The following KIF16B variants were observed in gnomAD, a reference collection of about 807,000 sequenced individuals.
KIF16B encodes kinesin-like protein KIF16B.
In KIF16B, 98 loss-of-function variants were observed where a neutral mutation model predicts 156.3. The ratio of observed to expected loss-of-function variants is 0.63; its 90% CI spans 0.53 to 0.74. KIF16B has a LOEUF of 0.74. Ranked by LOEUF, KIF16B falls within the 30% of genes least tolerant of loss-of-function variation. The probability of loss-of-function intolerance (pLI) is 0.00; values close to 1 mark genes in which losing one functional copy is unlikely to be tolerated. For synonymous variants in KIF16B, 564 were observed against 583.7 expected, an observed-to-expected ratio of 0.97 and a Z score of 0.49; for missense variants, 1,421 against 1,606.5, an observed-to-expected ratio of 0.88 and a Z score of 1.97.
At chr20:16,410,328 T>C (rs1177844141) in intron 15 of KIF16B, among the ~76,000 whole-genome samples, 1 of 149,952 alleles carries the variant, frequency 6.7e-6, no homozygotes, top group Non-Finnish European at 1.5e-5. Context: ...TGTATATGTG[T>C]GTGTGTATGT....
intron 23 of KIF16B, among the ~76,000 whole-genome samples, chr20:16,349,920 A>G (rs1361182032): frequency 2.6e-5 from 4 of 152,244 alleles, no homozygotes; most frequent in African/African-American, 7.2e-5. Flanking sequence ...CACAATGGAA[A>G]GGAGAATGGC....
intron 12 of KIF16B, among the ~76,000 whole-genome samples, chr20:16,432,760 T>C (rs1052554108): frequency 1.3e-5 from 2 of 151,886 alleles, no homozygotes; most frequent in Non-Finnish European, 2.9e-5. Context: ...AAAGGATGGC[T>C]TAAAAAAATA....
At chr20:16,466,046 G>T (rs780538698) in intron 12 of KIF16B, among the ~76,000 whole-genome samples, 1 of 152,184 alleles carries the variant, frequency 6.6e-6, no homozygotes, top group African/African-American at 2.4e-5. Flanking sequence ...AGGAAAATAA[G>T]TTCACAATGA....
intron 25 of KIF16B, among the ~76,000 whole-genome samples, chr20:16,282,740 T>C (rs2063165304): frequency 6.6e-6 from 1 of 152,058 alleles, no homozygotes; most frequent in Admixed American, 6.5e-5. Context: ...ACAGGACTGC[T>C]CCTGGACCTG....
At chr20:16,555,112 G>A (rs1158163906) in intron 1 of KIF16B, among the ~76,000 whole-genome samples, 1 of 152,188 alleles carries the variant, frequency 6.6e-6, no homozygotes, top group Admixed American at 6.5e-5. Flanking sequence ...TTTCCAGCTG[G>A]CAAAATGACA....
chr20:16,480,109 T>C (rs1036770242), intron 12 of KIF16B, among the ~76,000 whole-genome samples: 7 of 152,172 alleles, frequency 4.6e-5, no homozygotes, highest in African/African-American at 1.7e-4. Context: ...TGCCAAGCAG[T>C]ACTCATGATT....
At chr20:16,573,106 C>A (rs1367746703) in intron 1 of KIF16B, 123 bp downstream of exon 1, 3 of 923,104 alleles carry the variant, frequency 3.2e-6, no homozygotes, top group Non-Finnish European at 5.0e-6. Flanking sequence ...ACAGCCTGGG[C>A]CCGGTGGGCC....
intron 12 of KIF16B, among the ~76,000 whole-genome samples, chr20:16,444,300 G>A (rs1185486982): frequency 6.6e-6 from 1 of 152,164 alleles, no homozygotes; most frequent in African/African-American, 2.4e-5. Context: ...TATGGCTGAA[G>A]GCCAAATAAG....
intron 10 of KIF16B, among the ~76,000 whole-genome samples, chr20:16,498,394 A>AT (rs1260004142): frequency 6.6e-6 from 1 of 152,110 alleles, no homozygotes; most frequent in Non-Finnish European, 1.5e-5. Context: ...GAAAAAAGAA[A>AT]GAGAATATCC....
At chr20:16,303,211 G>A (rs927935848) in intron 25 of KIF16B, among the ~76,000 whole-genome samples, 3 of 152,120 alleles carry the variant, frequency 2.0e-5, no homozygotes, top group Non-Finnish European at 4.4e-5. Context: ...CATTTTATGC[G>A]TAATAAAACT....
intron 3 of KIF16B, among the ~76,000 whole-genome samples, chr20:16,515,949 T>A (rs1211823397): frequency 6.6e-6 from 1 of 152,200 alleles, no homozygotes; most frequent in Non-Finnish European, 1.5e-5. Flanking sequence ...GTGAAAATCA[T>A]GTTTAGAAGC....
intron 25 of KIF16B, among the ~76,000 whole-genome samples, chr20:16,295,214 C>A (rs528376480): frequency 6.6e-6 from 1 of 152,122 alleles, no homozygotes; most frequent in East Asian, 1.9e-4. Context: ...GTGCATATCC[C>A]CCGGGCCAGA....
At chr20:16,286,728 G>A (rs1238353593) in intron 25 of KIF16B, among the ~76,000 whole-genome samples, 1 of 152,132 alleles carries the variant, frequency 6.6e-6, no homozygotes, top group Non-Finnish European at 1.5e-5. Flanking sequence ...TCAAGCAGAG[G>A]TGAAGATGGT....
intron 25 of KIF16B, among the ~76,000 whole-genome samples, chr20:16,310,239 A>G (rs1347754814): frequency 6.6e-6 from 1 of 152,250 alleles, no homozygotes; most frequent in Non-Finnish European, 1.5e-5. Flanking sequence ...CAAGGGAAGG[A>G]AGGGTTCCTT....
chr20:16,549,519 A>G (rs1306641616), intron 1 of KIF16B, among the ~76,000 whole-genome samples: 2 of 152,080 alleles, frequency 1.3e-5, no homozygotes, highest in African/African-American at 4.8e-5. Context: ...ATGTGTCTTT[A>G]TAGCAGCATG....
chr20:16,406,305 G>T, intron 16 of KIF16B, 69 bp downstream of exon 16: 1 of 1,335,186 alleles, frequency 7.5e-7, no homozygotes, highest in Non-Finnish European at 1.1e-6. Context: ...ATTGGAACCA[G>T]AGTGACCACC....
At chr20:16,360,920 G>C (rs1025915272) in intron 22 of KIF16B, among the ~76,000 whole-genome samples, 1 of 152,164 alleles carries the variant, frequency 6.6e-6, no homozygotes, top group Non-Finnish European at 1.5e-5. Context: ...GGCTCTCAGA[G>C]AACATGAAAC....
At chr20:16,391,375 T>C (rs2065360729) in intron 17 of KIF16B, among the ~76,000 whole-genome samples, 1 of 152,210 alleles carries the variant, frequency 6.6e-6, no homozygotes, top group African/African-American at 2.4e-5. Context: ...TCGCCCATAA[T>C]TCACCTGGTC....
At chr20:16,297,642 G>A (rs2063409353) in intron 25 of KIF16B, among the ~76,000 whole-genome samples, 3 of 148,770 alleles carry the variant, frequency 2.0e-5, no homozygotes, top group Non-Finnish European at 4.4e-5. Flanking sequence ...CTTGCAGTGA[G>A]CCTAGATCGC....
Sources: gnomAD v4.1 joint callset for allele counts (sites outside exome capture counted in the v4.1 genomes callset) on GRCh38, gnomAD v4.1.1 for gene constraint, MANE v1.5 for transcripts, NCBI Gene and HGNC (gene_info 2026-07-23, HGNC 2026-07-21) for gene names.